OTOG: variants seen among roughly 807,000 people sequenced by gnomAD.
OTOG encodes the protein otogelin.
A neutral mutation model predicts 313.8 loss-of-function variants in OTOG; 296 were observed. That is an observed-to-expected ratio of 0.94 (90% CI 0.86 to 1.04). The LOEUF (loss-of-function observed/expected upper bound fraction) is 1.04. Ranked by LOEUF, OTOG falls within the 50% of genes least tolerant of loss-of-function variation. OTOG has a pLI of 0.00. For missense variants in OTOG, 3,948 were observed against 3,840.1 expected, an observed-to-expected ratio of 1.03 and a Z score of -0.74; for synonymous variants, 1,533 against 1,554.9, an observed-to-expected ratio of 0.99 and a Z score of 0.33.
In OTOG at chr11:17,638,240, T is replaced by C. The variant is rs1286794344; in HGVS notation, c.7796-211T>C. 2.6e-5 allele frequency among the ~76,000 whole-genome samples: 4 copies of C among 152,220 alleles called. No homozygotes were observed. In the East Asian group the frequency reaches 7.7e-4, roughly 29 times the overall value. ...AGCTTGAGGTTCTGACCCTGTCATG[T>C]CACCAGTGCCTCACAGACACAGCAC... On this transcript the variant is annotated intron_variant, in intron 47 of 55. Transcript: ENST00000399397.
At position 17,610,482 on chromosome 11, in the gene OTOG, GC is replaced by G; in HGVS notation, c.5184del (p.His1730ThrfsTer127). On this transcript the variant is annotated frameshift_variant, in exon 36 of 56. Coordinates refer to ENST00000399397, the MANE Select transcript of OTOG (RefSeq NM_001292063.2). LOFTEE classifies it high-confidence loss of function. Reference sequence around the variant, plus strand: ...AGTGCTATCCACAGAGAAGGGCGAAGCCGGGCACAGCCAGCCCATGGGCTCG... The same window carrying G: ...AGTGCTATCCACAGAGAAGGGCGAAGCGGGCACAGCCAGCCCATGGGCTCG... Reference protein sequence around the residue: ...EIVLSTEKGEAGHSQPMGSPA... With the variant: ...EIVLSTEKGEXGHSQPMGSPA... 6 of 1,550,550 alleles carry G rather than the reference GC, an allele frequency of 3.9e-6. No individual in the cohort carries two copies. The East Asian group carries it at 1.5e-4, about 38-fold the overall frequency.
chr11:17,556,993 G>A (rs1282329678), intron 7 of OTOG, 125 bp from the exon 8 acceptor site: 2 of 889,204 alleles, frequency 2.2e-6, no homozygotes, highest in South Asian at 3.3e-5. Context: ...GGAATTCTGG[G>A]AATTCATGGG....
chr11:17,574,491 G>A lies in OTOG; in HGVS notation c.2294-229G>A, dbSNP rs1852473396. 3.3e-5 allele frequency among the ~76,000 whole-genome samples: 5 copies of A among 152,156 alleles called. No individual in the cohort carries two copies. In the South Asian group the frequency reaches 1.0e-3, roughly 31 times the overall value. On this transcript the variant is annotated intron_variant, in intron 19 of 55. Transcript: ENST00000399397. ...CCAGTGGTTTTCCAGGCTGAACTTG[G>A]TAGAAGGACCCACCTGCTGCTTTGC...
At chr11:17,636,030 A>G (rs1415300486) in intron 47 of OTOG, among the ~76,000 whole-genome samples, 5 of 152,176 alleles carry the variant, frequency 3.3e-5, no homozygotes, top group African/African-American at 4.8e-5. Flanking sequence ...TCATTCCCTG[A>G]CTGACCCAAG....
At chr11:17,572,274 A>G in intron 18 of OTOG, 70 bp downstream of exon 18, 1 of 1,511,922 alleles carries the variant, frequency 6.6e-7, no homozygotes, top group East Asian at 2.5e-5. Context: ...GAGAGATGAA[A>G]AGGGAACTCC....
Position 17,643,463 on chromosome 11 carries a change from T to C in OTOG, c.8418T>C (p.Val2806=). The change falls in exon 54 of 56, where the codon GTT becomes GTC. Residue 2806 remains valine (V), a splice_region_variant and synonymous_variant. Transcript: ENST00000399397. ...PPLNETECAK[V]GGSVVPSLEG... ...CTCCCCCGACTTCCTCTCTCTAGGT[T>C]GGGGGTTCCGTGGTACCTTCCTTGG... is the stretch of plus-strand genomic sequence containing the variant. The C allele has an allele frequency of 1.4e-6, 2 of 1,444,224 alleles. No homozygotes were observed. 89.5% of individuals were successfully genotyped at this position (1,444,224 alleles called of 1,614,324 possible). A position where few individuals can be genotyped will look rare whatever the true frequency, so the allele number is the denominator to read the frequency against.
At chr11:17,638,042 C>T (rs1854305242) in intron 47 of OTOG, among the ~76,000 whole-genome samples, 1 of 152,182 alleles carries the variant, frequency 6.6e-6, no homozygotes, top group Non-Finnish European at 1.5e-5. Context: ...GTAGCATCAG[C>T]TGAAGCAGGG....
intron 23 of OTOG, among the ~76,000 whole-genome samples, chr11:17,583,962 T>C (rs930377206): frequency 2.6e-5 from 4 of 152,212 alleles, no homozygotes; most frequent in African/African-American, 9.6e-5. Flanking sequence ...TATTTTCTTA[T>C]TTATTGGTCT....
At chr11:17,602,053 T>C (rs1590033957) in intron 31 of OTOG, among the ~76,000 whole-genome samples, 157 bp from the exon 32 acceptor site, 2 of 152,084 alleles carry the variant, frequency 1.3e-5, no homozygotes, top group Non-Finnish European at 2.9e-5. Flanking sequence ...CTTCTCAGGG[T>C]CATCAAGGTC....
chr11:17,574,775 T>G lies in OTOG; in HGVS notation c.2349T>G (p.Arg783=). The G allele has an allele frequency of 6.4e-7, 1 of 1,550,676 alleles. No homozygotes were observed. Among genetic ancestry groups the G allele is most frequent in the Non-Finnish European group, 8.7e-7 (1 of 1,146,990 alleles). Residue 783 remains arginine, a synonymous_variant, in exon 20 of 56, where the codon CGT becomes CGG. Coordinates refer to ENST00000399397, the MANE Select transcript of OTOG (RefSeq NM_001292063.2). The part of the protein sequence containing the change: ...EYSPCVAPCG[R]TCQDLASPEA... ...GCCCCTGCGTGGCCCCGTGTGGACG[T>G]ACCTGCCAGGACCTGGCCAGCCCTG...
chr11:17,554,913 T>A (rs1480592121), intron 6 of OTOG, among the ~76,000 whole-genome samples: 7 of 152,212 alleles, frequency 4.6e-5, no homozygotes, highest in African/African-American at 1.4e-4. Context: ...TAGAGATAAG[T>A]ATTATTTTGT....
At position 17,593,697 on chromosome 11, in the gene OTOG, A is replaced by C; in HGVS notation, c.3229A>C (p.Ile1077Leu). The C allele has an allele frequency of 1.3e-6, 2 of 1,548,966 alleles. No individual in the cohort carries two copies. Among genetic ancestry groups the C allele is most frequent in the Non-Finnish European group, 1.7e-6 (2 of 1,146,974 alleles). The change falls in exon 27 of 56, where the codon ATC becomes CTC. Residue 1077 changes from isoleucine to leucine, a missense_variant. Transcript: ENST00000399397. ...FTLVHFPQEH[I>L]TLLWDQRTTV... The stretch of plus-strand genomic sequence containing the variant: ...ACTGGTGCATTTCCCACAGGAGCAC[A>C]TCACCCTCTTGTGGGACCAGAGAAC...
In OTOG at chr11:17,635,594, C is replaced by A. The variant is rs1300166459; in HGVS notation, c.7694-16C>A. ...GAGAGGACTGCTGTGACAGCATTGA[C>A]CCTCTTCCCCCTCAGCCTGTGGTGA... On this transcript the variant is annotated splice_polypyrimidine_tract_variant and intron_variant, in intron 46 of 55. Coordinates refer to ENST00000399397, the MANE Select transcript of OTOG (RefSeq NM_001292063.2). 4 of 1,542,758 alleles carry A rather than the reference C, an allele frequency of 2.6e-6. No individual in the cohort carries two copies. The South Asian group carries it at 4.8e-5, about 18-fold the overall frequency.
intron 32 of OTOG, among the ~76,000 whole-genome samples, chr11:17,602,804 C>G (rs1853287087): frequency 6.6e-6 from 1 of 152,106 alleles, no homozygotes; most frequent in African/African-American, 2.4e-5. Context: ...CCATGCCAAG[C>G]ACAGAGCCAG....
Position 17,596,999 on chromosome 11 carries a change from G to A in OTOG, c.3674G>A (p.Arg1225His), listed in dbSNP as rs116947228. The A allele has an allele frequency of 4.5e-3, 6,923 of 1,549,584 alleles. 200 individuals carry two copies. The East Asian group carries it at 0.091, about 20-fold the overall frequency. The change falls in exon 30 of 56, where the codon CGC becomes CAC. Residue 1225 changes from arginine to histidine, a missense_variant. Physicochemically the swap from Arg to His is conservative, Grantham distance 29. Coordinates refer to ENST00000399397, the MANE Select transcript of OTOG (RefSeq NM_001292063.2). ...HGVAVDWRTP[R>H]LCPYDCDFFN... ...GTGGCTGTTGACTGGCGAACCCCCC[G>A]CCTCTGCCGTGAGTGTCCCAGACAA...
At chr11:17,638,328 G>A in intron 47 of OTOG, 123 bp from the exon 48 acceptor site, 1 of 824,284 alleles carries the variant, frequency 1.2e-6, no homozygotes, top group South Asian at 1.8e-5. Flanking sequence ...GGGGCTCTGA[G>A]GACAGTGGGG....
At chr11:17,591,682 A>G (rs1852940751) in intron 25 of OTOG, 94 bp downstream of exon 25, 1 of 1,457,080 alleles carries the variant, frequency 6.9e-7, no homozygotes, top group East Asian at 2.5e-5. Flanking sequence ...GAATTGGGTG[A>G]TCGGGGATCT....
chr11:17,628,086 C>A (rs1200995876), intron 39 of OTOG, among the ~76,000 whole-genome samples: 2 of 151,522 alleles, frequency 1.3e-5, no homozygotes, highest in African/African-American at 4.8e-5. Context: ...TTTATTATTT[C>A]TTTTCTTCTA....
At chr11:17,626,958 T>C (rs1266332168) in intron 39 of OTOG, among the ~76,000 whole-genome samples, 2 of 152,256 alleles carry the variant, frequency 1.3e-5, no homozygotes, top group Non-Finnish European at 2.9e-5. Context: ...GATTTTTCTA[T>C]GTTGATTTTG....
Sources: allele counts gnomAD v4.1 joint callset (sites outside exome capture counted in the v4.1 genomes callset), GRCh38; gene constraint gnomAD v4.1.1; transcripts MANE v1.5; gene names NCBI Gene and HGNC (gene_info 2026-07-23, HGNC 2026-07-21).